Variants in CEP112 observed in about 807,000 individuals in gnomAD.
The protein encoded by CEP112 is centrosomal protein of 112 kDa.
CEP112 carries 127 observed loss-of-function variants against 153.0 expected under a neutral mutation model. The observed-to-expected ratio is 0.83, with a 90% confidence interval of 0.72 to 0.96. The LOEUF is 0.96. Ranked by LOEUF, CEP112 falls within the 40% of genes least tolerant of loss-of-function variation. The pLI, the probability that CEP112 is intolerant of heterozygous loss-of-function variation, is 0.00. For synonymous variants in CEP112, 358 were observed against 374.4 expected, an observed-to-expected ratio of 0.96 and a Z score of 0.51; for missense variants, 1,089 against 1,101.2, an observed-to-expected ratio of 0.99 and a Z score of 0.16.
intron 22 of CEP112, among the ~76,000 whole-genome samples, chr17:65,749,513 A>AAAAT (rs2051688489): frequency 2.6e-5 from 4 of 151,982 alleles, no homozygotes; most frequent in Admixed American, 2.0e-4. Flanking sequence ...GTCTCAAAAA[A>AAAAT]AAATAAATAA....
At chr17:66,097,454 C>T (rs2068395767) in intron 6 of CEP112, among the ~76,000 whole-genome samples, 1 of 152,188 alleles carries the variant, frequency 6.6e-6, no homozygotes, top group African/African-American at 2.4e-5. Flanking sequence ...GTTCACCACT[C>T]TATCCCTAGC....
intron 4 of CEP112, among the ~76,000 whole-genome samples, chr17:66,157,705 C>CAAA (rs370026993): frequency 0.01 from 951 of 93,786 alleles, 12 homozygotes; most frequent in African/African-American, 0.027. Context: ...AAATGGAAAG[C>CAAA]AAAAAAAAAA....
rs760335740 is a variant in CEP112, at chr17:65,902,262, T to C, written c.2053A>G (p.Ser685Gly). The C allele has an allele frequency of 3.7e-6, 6 of 1,613,922 alleles. No homozygotes were observed. In the South Asian group the frequency reaches 6.6e-5, roughly 18 times the overall value. ...LLQQHNAEKDSLVRDHEREIE... is the reference protein window; with the variant it reads ...LLQQHNAEKDGLVRDHEREIE... ...TCCCGTTCATGGTCTCGGACTAGGC[T>C]ATCCTTCTCTGCGTTATGCTGCTGT... Residue 685 changes from serine to glycine, a missense_variant, in exon 20 of 27, where the codon AGC (serine) becomes GGC (glycine). Coordinates refer to ENST00000535342, the MANE Select transcript of CEP112 (RefSeq NM_001199165.4).
chr17:65,775,348 C>T (rs1398984895), intron 21 of CEP112, among the ~76,000 whole-genome samples: 2 of 152,064 alleles, frequency 1.3e-5, no homozygotes, highest in Non-Finnish European at 2.9e-5. Flanking sequence ...CAGATCAGTG[C>T]TGCCTCTGCA....
chr17:66,144,304 A>G (rs1010127019), intron 4 of CEP112, among the ~76,000 whole-genome samples: 4 of 152,136 alleles, frequency 2.6e-5, no homozygotes, highest in Admixed American at 6.5e-5. Flanking sequence ...CAAGAGTCTC[A>G]TATGTATGAA....
intron 4 of CEP112, among the ~76,000 whole-genome samples, chr17:66,152,373 TAAG>T (rs1288662558): frequency 1.3e-5 from 2 of 152,182 alleles, no homozygotes; most frequent in African/African-American, 4.8e-5. Context: ...GTAATATAGC[TAAG>T]AAGATTTACA....
intron 24 of CEP112, among the ~76,000 whole-genome samples, chr17:65,649,662 T>C (rs868012388): frequency 6.9e-6 from 1 of 144,938 alleles, no homozygotes; most frequent in South Asian, 2.1e-4. Flanking sequence ...CAGGCTTCAG[T>C]GAGCTATGTT....
intron 6 of CEP112, among the ~76,000 whole-genome samples, chr17:66,105,416 A>T (rs969250573): frequency 1.4e-4 from 21 of 152,342 alleles, no homozygotes; most frequent in African/African-American, 5.1e-4. Flanking sequence ...ATAAAATGGC[A>T]GGAGTAAGTC....
At chr17:65,809,089 A>T (rs925481390) in intron 21 of CEP112, among the ~76,000 whole-genome samples, 1 of 152,124 alleles carries the variant, frequency 6.6e-6, no homozygotes, top group Non-Finnish European at 1.5e-5. Context: ...ATTCTTTATA[A>T]ATTACTCAGT....
Position 65,869,054 on chromosome 17 carries a change from C to T in CEP112, c.2164-17020G>A, listed in dbSNP as rs193273918. On this transcript the variant is annotated intron_variant, in intron 20 of 26. Transcript: ENST00000535342. ...ATGCAGGTAAAGTCACATAAAAGTC[C>T]GGGCAAGAAACCAGCCCTTCAGATG... Among the ~76,000 whole-genome samples the T allele has an allele frequency of 4.6e-4, 70 of 152,250 alleles. 3 individuals are homozygous for T. In the East Asian group the frequency reaches 0.01, roughly 22 times the overall value.
At chr17:65,836,835 C>G (rs949110890) in intron 21 of CEP112, among the ~76,000 whole-genome samples, 10 of 152,052 alleles carry the variant, frequency 6.6e-5, no homozygotes, top group Non-Finnish European at 1.3e-4. Context: ...CCCCCTCCCC[C>G]TCCCCCTCTG....
intron 21 of CEP112, among the ~76,000 whole-genome samples, chr17:65,767,130 A>G (rs2053032897): frequency 6.6e-6 from 1 of 152,194 alleles, no homozygotes; most frequent in African/African-American, 2.4e-5. Context: ...TACAGACTAC[A>G]TGGTGGGCCA....
intron 9 of CEP112, among the ~76,000 whole-genome samples, chr17:66,068,779 C>T (rs895356584): frequency 2.6e-5 from 4 of 151,876 alleles, no homozygotes; most frequent in Non-Finnish European, 5.9e-5. Flanking sequence ...ATTCCATCAC[C>T]GTAATTTTTC....
rs145851309 is a variant in CEP112 at position 65,707,328 on chromosome 17, A to G, written c.2608-18110T>C. Among the ~76,000 whole-genome samples the G allele has an allele frequency of 1.7e-3, 254 of 152,118 alleles. 1 individual carries two copies. Among genetic ancestry groups the G allele is most frequent in the African/African-American group, 3.0e-3 (123 of 41,488 alleles). On this transcript the variant is annotated intron_variant, in intron 23 of 26. Coordinates refer to ENST00000535342, the MANE Select transcript of CEP112 (RefSeq NM_001199165.4). The stretch of plus-strand genomic sequence containing the variant: ...ATGCATAACCTACCCACTTCTCTCC[A>G]TCTCTAGTACTACCTCCTTGGTCCA...
chr17:65,757,114 T>G lies in CEP112; in HGVS notation c.2395-6390A>C, dbSNP rs542200996. On this transcript the variant is annotated intron_variant, in intron 21 of 26. Transcript: ENST00000535342. Reference sequence around the variant, plus strand: ...CACACAGGAAAGGAAACAGCAAGAATGTAGCAAGAGGCCTCAGGAAAGCAA... The same window carrying G: ...CACACAGGAAAGGAAACAGCAAGAAGGTAGCAAGAGGCCTCAGGAAAGCAA... 5.3e-5 allele frequency among the ~76,000 whole-genome samples: 8 copies of G among 152,242 alleles called. No homozygotes were observed. The East Asian group carries it at 1.5e-3, about 29-fold the overall frequency.
At chr17:66,172,458 A>G (rs1398034051) in intron 4 of CEP112, among the ~76,000 whole-genome samples, 4 of 152,180 alleles carry the variant, frequency 2.6e-5, no homozygotes, top group African/African-American at 9.7e-5. Context: ...TATATAACTG[A>G]CAACGAATGC....
intron 21 of CEP112, among the ~76,000 whole-genome samples, chr17:65,839,491 T>C (rs2146204227): frequency 6.7e-6 from 1 of 148,272 alleles, no homozygotes; most frequent in South Asian, 2.1e-4. Context: ...AACCTCTCAA[T>C]AAACCGTGTA....
At chr17:65,844,966 T>C (rs1247921310) in intron 21 of CEP112, among the ~76,000 whole-genome samples, 6 of 151,542 alleles carry the variant, frequency 4.0e-5, no homozygotes, top group Admixed American at 6.6e-5. Flanking sequence ...TGAGCCGAGA[T>C]TGTGCCACTG....
chr17:65,756,551 T>C (rs1299880759), intron 21 of CEP112, among the ~76,000 whole-genome samples: 1 of 151,734 alleles, frequency 6.6e-6, no homozygotes, highest in African/African-American at 2.4e-5. Context: ...TTGATCACAG[T>C]AGTTTGGCAA....
Sources: gnomAD v4.1 joint callset for allele counts (sites outside exome capture counted in the v4.1 genomes callset) on GRCh38, gnomAD v4.1.1 for gene constraint, MANE v1.5 for transcripts, NCBI Gene and HGNC (gene_info 2026-07-23, HGNC 2026-07-21) for gene names.